Variants in EPB41 observed in about 807,000 individuals in gnomAD.
EPB41 encodes erythrocyte membrane protein band 4.1.
Under a neutral mutation model 108.0 loss-of-function variants are expected in EPB41, and 65 were observed. The ratio of observed to expected loss-of-function variants is 0.60; its 90% confidence interval spans 0.49 to 0.74. The LOEUF is 0.74. Among genes scored for constraint, EPB41 ranks in the 30% least tolerant of loss-of-function variants. EPB41 has a pLI of 0.00. For synonymous variants in EPB41, 336 were observed against 358.9 expected, an observed-to-expected ratio of 0.94 and a Z score of 0.72; for missense variants, 875 against 1,037.0, an observed-to-expected ratio of 0.84 and a Z score of 2.15.
intron 1 of EPB41, chr1:28,893,231 C>T (rs1263586150): frequency 6.6e-6 from 1 of 152,088 alleles, no homozygotes; most frequent in African/African-American, 2.4e-5. Context: ...CCACCACACA[C>T]ACCTAATTTT....
Position 29,034,998 on chromosome 1 carries a change from GGAA to G in EPB41, c.1366-820_1366-818del, listed in dbSNP as rs1227593343. Reference sequence around the variant, plus strand: ...GTTTTTTTTTTTTTTTTTTTTTTTTGGAAGAAGAAGTCTCGCTTTGTCACCCAG... The same window carrying G: ...GTTTTTTTTTTTTTTTTTTTTTTTTGGAAGAAGTCTCGCTTTGTCACCCAG... On this transcript the variant is annotated intron_variant, in intron 9 of 20. Coordinates refer to ENST00000343067, the MANE Select transcript of EPB41 (RefSeq NM_001376013.1). Among the ~76,000 whole-genome samples, 18 of 41,874 alleles carry G rather than the reference GGAA, an allele frequency of 4.3e-4. No individual in the cohort carries two copies. The East Asian group carries it at 6.8e-3, about 16-fold the overall frequency. The allele number at this position is 41,874 out of a possible 152,430, so 27.5% of individuals were successfully genotyped here. A position where few individuals can be genotyped will look rare whatever the true frequency, so the allele number is the denominator to read the frequency against.
At chr1:29,070,471 G>T in intron 16 of EPB41, 1 of 1,232,090 alleles carries the variant, frequency 8.1e-7, no homozygotes, top group Non-Finnish European at 1.0e-6. Context: ...TTCTTCCCAA[G>T]GTTTCTATTC....
chr1:29,018,227 T>C lies in EPB41; in HGVS notation c.909T>C (p.Tyr303=). ...PAQLTEDITR[Y]YLCLQLRQDI... is the part of the protein sequence containing the mutation. Reference sequence around the variant, plus strand: ...CATTTTTCTCTTTTGGCTGTAGATATTATTTATGTCTTCAGCTTCGGCAGG... The same window carrying C: ...CATTTTTCTCTTTTGGCTGTAGATACTATTTATGTCTTCAGCTTCGGCAGG... Residue 303 remains tyrosine (Y), a synonymous_variant, in exon 7 of 21, where the codon TAT becomes TAC. Coordinates refer to ENST00000343067, the MANE Select transcript of EPB41 (RefSeq NM_001376013.1). The surrounding 1 kb of genome is among the most constrained non-coding windows in gnomAD (Gnocchi z 4.4). 2 of 1,614,038 alleles carry C rather than the reference T, an allele frequency of 1.2e-6. No homozygotes were observed. The highest frequency in any genetic ancestry group is 1.7e-6 in the Non-Finnish European group (2 of 1,179,932).
chr1:29,101,877 G>A (rs1208988686), intron 17 of EPB41, among the ~76,000 whole-genome samples: 1 of 152,126 alleles, frequency 6.6e-6, no homozygotes, highest in Admixed American at 6.6e-5. Flanking sequence ...TCCAGCCTGG[G>A]GAACAGAGTG....
In EPB41 at chr1:29,056,247, A is replaced by C. The variant is rs1243042385; in HGVS notation, c.1846-2342A>C. Among the ~76,000 whole-genome samples, 14 of 151,338 alleles carry C rather than the reference A, an allele frequency of 9.3e-5. 1 individual carries two copies. The highest frequency in any genetic ancestry group is 4.4e-5 in the Non-Finnish European group (3 of 67,876). On this transcript the variant is annotated intron_variant, in intron 12 of 20. Transcript: ENST00000343067. ...AGACTCCGTCTCAAAAAAAAAAAAA[A>C]CAAAAAACAACAAAACAAAACAAAA...
At chr1:28,998,862 T>C (rs1319064503) in intron 4 of EPB41, among the ~76,000 whole-genome samples, 1 of 152,218 alleles carries the variant, frequency 6.6e-6, no homozygotes, top group East Asian at 1.9e-4. Flanking sequence ...TTCATTTGAT[T>C]TGATCATTTC....
chr1:29,024,091 T>C (rs551362009), intron 7 of EPB41, among the ~76,000 whole-genome samples: 377 of 149,906 alleles, frequency 2.5e-3, no homozygotes, highest in Non-Finnish European at 4.3e-3. Flanking sequence ...AATCCCAGCA[T>C]TTTGGGAGGC....
chr1:29,019,053 C>G (rs1294926976), intron 7 of EPB41, among the ~76,000 whole-genome samples: 2 of 152,068 alleles, frequency 1.3e-5, no homozygotes, highest in African/African-American at 2.4e-5. Context: ...TGTCTCTGAG[C>G]CTCAGGTTTC....
intron 1 of EPB41, among the ~76,000 whole-genome samples, chr1:28,926,969 T>C (rs528405040): frequency 2.5e-4 from 38 of 152,360 alleles, no homozygotes; most frequent in African/African-American, 8.7e-4. Context: ...TAAAGACCCA[T>C]TTCACAGCAA....
At chr1:29,112,276 C>G in intron 18 of EPB41, 92 bp from the exon 19 acceptor site, 1 of 1,055,238 alleles carries the variant, frequency 9.5e-7, no homozygotes, top group Non-Finnish European at 1.5e-6. Flanking sequence ...GTTGAGATTA[C>G]AAGTGTGAAC....
chr1:29,084,224 C>T (rs1447938900), intron 16 of EPB41, among the ~76,000 whole-genome samples: 1 of 152,188 alleles, frequency 6.6e-6, no homozygotes, highest in Non-Finnish European at 1.5e-5. Context: ...TTCTTTTTCT[C>T]AATCTATGTC....
At chr1:28,913,992 C>A (rs1328345369), upstream of EPB41, among the ~76,000 whole-genome samples, 1 of 152,170 alleles carries the variant, frequency 6.6e-6, no homozygotes, top group Non-Finnish European at 1.5e-5. Flanking sequence ...TCAGGCCTTA[C>A]ACAGCTGGCA....
At chr1:29,096,113 T>C (rs1041483728) in intron 16 of EPB41, 24 of 976,254 alleles carry the variant, frequency 2.5e-5, no homozygotes, top group East Asian at 1.1e-4. Flanking sequence ...CTCCCACTTA[T>C]ACCTAATCTT....
chr1:28,954,685 T>C (rs1571313569), intron 1 of EPB41, among the ~76,000 whole-genome samples: 3 of 152,318 alleles, frequency 2.0e-5, no homozygotes, highest in Admixed American at 1.3e-4. Flanking sequence ...TTTCACTGAC[T>C]TGAAAAACAT....
chr1:29,055,472 G>A (rs1484315028), intron 12 of EPB41, among the ~76,000 whole-genome samples: 1 of 151,880 alleles, frequency 6.6e-6, no homozygotes, highest in Non-Finnish European at 1.5e-5. Flanking sequence ...ATCACTACCT[G>A]GTATATGCTT....
intron 1 of EPB41, among the ~76,000 whole-genome samples, chr1:28,907,363 G>A (rs187521789): frequency 1.1e-3 from 157 of 148,766 alleles, no homozygotes; most frequent in Non-Finnish European, 1.8e-3. Flanking sequence ...CACTGCACCC[G>A]GCCTTCTTTT....
chr1:28,926,539 GA>G (rs558405173), intron 1 of EPB41, among the ~76,000 whole-genome samples: 31 of 152,212 alleles, frequency 2.0e-4, no homozygotes, highest in Non-Finnish European at 3.5e-4. Flanking sequence ...GGTGGGGAAG[GA>G]GAGATTTGGA....
chr1:29,007,633 A>G (rs1001813740), intron 4 of EPB41, among the ~76,000 whole-genome samples: 7 of 152,104 alleles, frequency 4.6e-5, no homozygotes, highest in African/African-American at 1.7e-4. Context: ...TTTTATCCTC[A>G]TGTTACTTGT....
chr1:29,036,822 C>T (rs1323846691), intron 10 of EPB41, among the ~76,000 whole-genome samples: 1 of 151,834 alleles, frequency 6.6e-6, no homozygotes, highest in African/African-American at 2.4e-5. Context: ...ATTACAGGTG[C>T]ACACCACCAT....
Sources: gnomAD v4.1 joint callset for allele counts (sites outside exome capture counted in the v4.1 genomes callset) on GRCh38, gnomAD v4.1.1 for gene constraint, Gnocchi (gnomAD v3.1) non-coding constraint, MANE v1.5 for transcripts, NCBI Gene and HGNC (gene_info 2026-07-23, HGNC 2026-07-21) for gene names.